Variants in NRG2 observed in about 807,000 individuals in gnomAD.
NRG2 encodes pro-neuregulin-2, membrane-bound isoform.
In NRG2, 27 loss-of-function variants were observed where a neutral mutation model predicts 73.9. The ratio of observed to expected loss-of-function variants is 0.37; its 90% CI spans 0.27 to 0.50. NRG2 has a LOEUF of 0.50. Among genes scored for constraint, NRG2 ranks in the 20% least tolerant of loss-of-function variants. The pLI is 0.96. For missense variants in NRG2, 1,126 were observed against 1,210.1 expected, an observed-to-expected ratio of 0.93 and a Z score of 1.03; for synonymous variants, 532 against 541.0, an observed-to-expected ratio of 0.98 and a Z score of 0.23.
chr5:139,965,975 A>T (rs1755481873), intron 1 of NRG2, among the ~76,000 whole-genome samples: 1 of 149,926 alleles, frequency 6.7e-6, no homozygotes, highest in Non-Finnish European at 1.5e-5. Context: ...ACAATTTCTA[A>T]TTTTTTTTTT....
At position 139,852,883 on chromosome 5, in the gene NRG2, G is replaced by T. The variant is rs369328631; in HGVS notation, c.1416+21C>A. ...GCTGTCCACTGAGGGCTCAGAAGGG[G>T]GCCCCAGGAAAGCCACTCACATCTG... On this transcript the variant is annotated intron_variant, in intron 7 of 9. Coordinates refer to ENST00000361474, the MANE Select transcript of NRG2 (RefSeq NM_004883.3). This position sits in a 1 kb window ranked among gnomAD's most constrained non-coding sequence, Gnocchi z 4.4. 6 of 1,613,216 alleles carry T rather than the reference G, an allele frequency of 3.7e-6. No individual in the cohort carries two copies. Among genetic ancestry groups the T allele is most frequent in the Non-Finnish European group, 4.2e-6 (5 of 1,179,764 alleles).
chr5:139,894,785 C>T lies in NRG2; in HGVS notation c.701-7274G>A, dbSNP rs948765436. Among the ~76,000 whole-genome samples the T allele has an allele frequency of 3.9e-5, 6 of 152,286 alleles. No homozygotes were observed. Among genetic ancestry groups the T allele is most frequent in the South Asian group, 2.1e-4 (1 of 4,826 alleles). On this transcript the variant is annotated intron_variant, in intron 1 of 9. Transcript: ENST00000361474. This position sits in a 1 kb window ranked among gnomAD's most constrained non-coding sequence, Gnocchi z 5.0. ...GCCAAATAAGACATGGCCCTGGTGT[C>T]GGGTTGGTCTCTGCCTCCTGTTTAG...
intron 1 of NRG2, among the ~76,000 whole-genome samples, chr5:140,027,018 T>A (rs1445563578): frequency 3.3e-5 from 5 of 152,018 alleles, no homozygotes; most frequent in African/African-American, 4.8e-5. Context: ...TTTCACTCTG[T>A]CCCCCAGGCT....
rs142322309 is a variant in NRG2, at chr5:139,853,518, G to A, written c.1293-491C>T. ...TAGGGAATCCACCCTCCTGAAGCCT[G>A]CAGGCCAGTAGAGGAAGCAGATGGT... On this transcript the variant is annotated intron_variant, in intron 6 of 9. Coordinates refer to ENST00000361474, the MANE Select transcript of NRG2 (RefSeq NM_004883.3). This position sits in a 1 kb window ranked among gnomAD's most constrained non-coding sequence, Gnocchi z 4.1. Among the ~76,000 whole-genome samples, 464 of 152,316 alleles carry A rather than the reference G, an allele frequency of 3.0e-3. 2 individuals carry two copies. The highest frequency in any genetic ancestry group is 0.01 in the African/African-American group (427 of 41,560).
At position 139,915,833 on chromosome 5, in the gene NRG2, G is replaced by C. The variant is rs1324942822; in HGVS notation, c.701-28322C>G. 6.6e-6 allele frequency among the ~76,000 whole-genome samples: 1 copy of C among 152,182 alleles called. No individual in the cohort carries two copies. Among genetic ancestry groups the C allele is most frequent in the African/African-American group, 2.4e-5 (1 of 41,448 alleles). ...CAGGAGATGCTTTCCTGGAATATGG[G>C]ACAGCCTGGCAATGACACTGAGTGG... On this transcript the variant is annotated intron_variant, in intron 1 of 9. Transcript: ENST00000361474. This position sits in a 1 kb window ranked among gnomAD's most constrained non-coding sequence, Gnocchi z 4.0.
chr5:140,042,459 G>A lies in NRG2; in HGVS notation c.611C>T (p.Pro204Leu). The A allele has an allele frequency of 6.2e-7, 1 of 1,613,074 alleles. No homozygotes were observed. The change falls in exon 1 of 10, where the codon CCC becomes CTC. Residue 204 changes from proline (P) to leucine (L), a missense_variant. Pro to Leu is a moderately conservative substitution (Grantham distance 98). Around this residue, in one of 3 missense-constraint regions of NRG2, gnomAD observed 539 missense variants for 703.2 expected, o/e 0.77. Transcript: ENST00000361474. ...GGCAAAGGCCGTCTTAAAGACTAAGGGCTGTTCCGTGGGCTCCAGGAAAAA... is the reference window on the plus strand; with the variant it reads ...GGCAAAGGCCGTCTTAAAGACTAAGAGCTGTTCCGTGGGCTCCAGGAAAAA... ...YIFFLEPTEQ[P>L]LVFKTAFAPL...
chr5:139,908,373 G>T (rs544798507), intron 1 of NRG2, among the ~76,000 whole-genome samples: 1 of 152,248 alleles, frequency 6.6e-6, no homozygotes, highest in African/African-American at 2.4e-5. Flanking sequence ...TTTCCTTAGA[G>T]CCCTTTATGC....
At chr5:139,882,229 G>A (rs1244833113) in intron 2 of NRG2, among the ~76,000 whole-genome samples, 1 of 152,130 alleles carries the variant, frequency 6.6e-6, no homozygotes, top group Non-Finnish European at 1.5e-5. Context: ...TAAGGAGGCT[G>A]AGGAGAGGCA....
At position 139,848,382 on chromosome 5, in the gene NRG2, G is replaced by GCTGCCCAGT; in HGVS notation, c.2087_2088insACTGGGCAG (p.Gly695_Ser696insArgLeuGly). ...AGGGGCTGGCAGGCAGGCTGCCCAG[G>GCTGCCCAGT]CTGCCGCCGAGCGCGCAGGTCCCGC... On this transcript the variant is annotated inframe_insertion, in exon 10 of 10. Transcript: ENST00000361474. The GCTGCCCAGT allele has an allele frequency of 8.0e-7, 1 of 1,251,954 alleles. No individual in the cohort carries two copies. Among genetic ancestry groups the GCTGCCCAGT allele is most frequent in the Non-Finnish European group, 1.0e-6 (1 of 1,004,744 alleles). 77.6% of individuals were successfully genotyped at this position (1,251,954 alleles called of 1,614,324 possible).
chr5:139,921,713 CA>C (rs1407048709), intron 1 of NRG2, among the ~76,000 whole-genome samples: 1 of 152,106 alleles, frequency 6.6e-6, no homozygotes, highest in Non-Finnish European at 1.5e-5. Context: ...ACTTTCTATA[CA>C]ACACCAATGG....
chr5:139,981,408 G>T (rs1756790932), intron 1 of NRG2, among the ~76,000 whole-genome samples: 1 of 152,234 alleles, frequency 6.6e-6, no homozygotes, highest in Admixed American at 6.5e-5. Context: ...GCCCTGGCCT[G>T]GGTCTCCCTC....
intron 3 of NRG2, among the ~76,000 whole-genome samples, chr5:139,879,380 G>A (rs1235174779): frequency 2.6e-5 from 4 of 152,224 alleles, no homozygotes; most frequent in Non-Finnish European, 5.9e-5. Context: ...TGGGAGAGAC[G>A]CTGCAGTGGG....
intron 4 of NRG2, among the ~76,000 whole-genome samples, chr5:139,867,168 A>G (rs1762518461): frequency 1.3e-5 from 2 of 152,230 alleles, no homozygotes; most frequent in Non-Finnish European, 2.9e-5. Context: ...ATTGGTTGTG[A>G]CAGATACTCA....
rs151291213 is a variant in NRG2, at chr5:140,000,384, G to T, written c.700+41986C>A. Among the ~76,000 whole-genome samples, 291 of 152,240 alleles carry T rather than the reference G, an allele frequency of 1.9e-3. 1 individual carries two copies. Among genetic ancestry groups the T allele is most frequent in the African/African-American group, 6.7e-3 (279 of 41,544 alleles). ...CACTACCCTTCCAGCTTCCCCTGCCGCAGAGGCATGGAGGACCAGGCTTAG... is the reference window on the plus strand; with the variant it reads ...CACTACCCTTCCAGCTTCCCCTGCCTCAGAGGCATGGAGGACCAGGCTTAG... On this transcript the variant is annotated intron_variant, in intron 1 of 9. Transcript: ENST00000361474.
chr5:139,992,611 C>T (rs1398412034), intron 1 of NRG2, among the ~76,000 whole-genome samples: 3 of 152,040 alleles, frequency 2.0e-5, no homozygotes, highest in African/African-American at 7.2e-5. Flanking sequence ...TAGAAGTTCC[C>T]CTTCATTTCA....
intron 1 of NRG2, chr5:140,019,662 T>A (rs1365251914): frequency 6.6e-6 from 1 of 152,176 alleles, no homozygotes; most frequent in Non-Finnish European, 1.5e-5. Context: ...AGCCTGGAAC[T>A]CTCCTAATTG....
chr5:139,974,893 G>T (rs1240731963), intron 1 of NRG2, among the ~76,000 whole-genome samples: 1 of 152,212 alleles, frequency 6.6e-6, no homozygotes, highest in Non-Finnish European at 1.5e-5. Context: ...GAGGGGGACA[G>T]GCCCACAGAA....
intron 1 of NRG2, among the ~76,000 whole-genome samples, chr5:140,022,149 T>C (rs933490965): frequency 5.9e-5 from 9 of 152,218 alleles, no homozygotes; most frequent in African/African-American, 1.7e-4. Context: ...AACTAGGCAT[T>C]GTACAGTGTG....
rs1759544791 is a variant in NRG2, at chr5:140,013,666, A to C, written c.700+28704T>G. Among the ~76,000 whole-genome samples the C allele has an allele frequency of 2.0e-5, 3 of 152,108 alleles. No individual in the cohort carries two copies. In the South Asian group the frequency reaches 6.2e-4, roughly 32 times the overall value. Reference sequence around the variant, plus strand: ...CAATAAATTCCTTCTCTTCTCTTCCATTCTCTGGTAAATCTACTTACATGA... The same window carrying C: ...CAATAAATTCCTTCTCTTCTCTTCCCTTCTCTGGTAAATCTACTTACATGA... On this transcript the variant is annotated intron_variant, in intron 1 of 9. Transcript: ENST00000361474.
Sources: gnomAD v4.1 joint callset for allele counts (sites outside exome capture counted in the v4.1 genomes callset) on GRCh38, gnomAD v4.1.1 for gene constraint, gnomAD v4.1.1 regional missense constraint, Gnocchi (gnomAD v3.1) non-coding constraint, MANE v1.5 for transcripts, NCBI Gene and HGNC (gene_info 2026-07-23, HGNC 2026-07-21) for gene names.